DGKH: variants seen among roughly 807,000 people sequenced by gnomAD.
DGKH encodes DAG kinase eta.
A neutral mutation model predicts 159.3 loss-of-function variants in DGKH; 90 were observed. That is an observed-to-expected ratio of 0.57 (90% confidence interval 0.48 to 0.67). The LOEUF (loss-of-function observed/expected upper bound fraction) is 0.67. DGKH is among the 30% of genes least tolerant of loss of function. The pLI is 0.00. For synonymous variants in DGKH, 536 were observed against 553.8 expected, an observed-to-expected ratio of 0.97 and a Z score of 0.45; for missense variants, 1,181 against 1,506.1, an observed-to-expected ratio of 0.78 and a Z score of 3.57.
chr13:42,189,719 TAC>T (rs1193948293), intron 15 of DGKH, among the ~76,000 whole-genome samples: 1 of 152,058 alleles, frequency 6.6e-6, no homozygotes, highest in Non-Finnish European at 1.5e-5. Flanking sequence ...CAAGCTGGAG[TAC>T]AGTGGCGTGA....
intron 1 of DGKH, among the ~76,000 whole-genome samples, chr13:42,106,042 CT>C (rs1954748240): frequency 6.6e-6 from 1 of 150,754 alleles, no homozygotes; most frequent in African/African-American, 2.4e-5. Flanking sequence ...GAGTCTTGCT[CT>C]GTCACCCAGG....
At chr13:42,070,952 TGGCTAC>T in intron 1 of DGKH, 2 of 1,300,718 alleles carry the variant, frequency 1.5e-6, no homozygotes, top group Non-Finnish European at 2.2e-6. Flanking sequence ...ATTTTCTTGA[TGGCTAC>T]TCTTTTGTCA....
chr13:42,108,102 G>C (rs1316166414), intron 1 of DGKH, among the ~76,000 whole-genome samples: 1 of 152,134 alleles, frequency 6.6e-6, no homozygotes, highest in African/African-American at 2.4e-5. Flanking sequence ...AGTTAGTGTT[G>C]TGACAGGCAG....
chr13:42,256,240 T>G (rs1566241468), intron 30 of DGKH: 31 of 1,550,348 alleles, frequency 2.0e-5, no homozygotes, highest in Non-Finnish European at 2.1e-5. Flanking sequence ...CAATGATGAT[T>G]AAAAATGTGT....
chr13:42,190,985 C>T (rs868302368), intron 16 of DGKH, among the ~76,000 whole-genome samples: 25 of 152,250 alleles, frequency 1.6e-4, no homozygotes, highest in South Asian at 1.2e-3. Flanking sequence ...GGTTGATAGT[C>T]CTTATTAAGC....
At chr13:42,069,208 T>A in intron 1 of DGKH, 1 of 1,228,788 alleles carries the variant, frequency 8.1e-7, no homozygotes, top group Admixed American at 2.2e-5. Context: ...GAAGAACTTG[T>A]CTAAGTAACT....
intron 1 of DGKH, among the ~76,000 whole-genome samples, chr13:42,040,651 G>A (rs1170416296): frequency 6.6e-6 from 1 of 151,422 alleles, no homozygotes; most frequent in African/African-American, 2.4e-5. Context: ...GGACCGTGGA[G>A]AAGGAGGAGG....
At chr13:42,248,185 G>T (rs900306955) in intron 29 of DGKH, among the ~76,000 whole-genome samples, 1 of 152,078 alleles carries the variant, frequency 6.6e-6, no homozygotes, top group Non-Finnish European at 1.5e-5. Flanking sequence ...ACTTTGGGAG[G>T]CCCAGGCAGG....
chr13:42,086,414 A>G (rs1170817875), intron 1 of DGKH, among the ~76,000 whole-genome samples: 2 of 152,208 alleles, frequency 1.3e-5, no homozygotes, highest in African/African-American at 4.8e-5. Flanking sequence ...CCTGAAAGCT[A>G]TGATAACTTT....
intron 16 of DGKH, among the ~76,000 whole-genome samples, chr13:42,190,848 C>G (rs774404977): frequency 9.2e-5 from 14 of 152,130 alleles, no homozygotes; most frequent in African/African-American, 4.8e-5. Context: ...CTGATTTGAA[C>G]CTATTATAGC....
chr13:42,220,741 G>A (rs1289097297), intron 28 of DGKH, among the ~76,000 whole-genome samples: 1 of 152,178 alleles, frequency 6.6e-6, no homozygotes, highest in Non-Finnish European at 1.5e-5. Context: ...TGATTTAATA[G>A]CACATTGATT....
intron 10 of DGKH, 41 bp from the exon 11 acceptor site, chr13:42,168,638 C>T (rs1219579901): frequency 6.2e-7 from 1 of 1,613,846 alleles, no homozygotes; most frequent in Admixed American, 1.7e-5. Context: ...GTCCCTATTT[C>T]TCAACTTGTC....
At chr13:42,087,108 A>G (rs527276666) in intron 1 of DGKH, among the ~76,000 whole-genome samples, 3 of 140,124 alleles carry the variant, frequency 2.1e-5, no homozygotes, top group African/African-American at 8.1e-5. Flanking sequence ...AGGCACAACA[A>G]TCCTTGAAGC....
Position 42,048,880 on chromosome 13 carries a change from A to T in DGKH, c.107A>T (p.Glu36Val). 2 of 1,372,848 alleles carry T rather than the reference A, an allele frequency of 1.5e-6. No individual in the cohort carries two copies. The highest frequency in any genetic ancestry group is 2.0e-5 in the South Asian group (1 of 50,960). 85.0% of individuals were successfully genotyped at this position (1,372,848 alleles called of 1,614,324 possible). A position where few individuals can be genotyped will look rare whatever the true frequency, so the allele number is the denominator to read the frequency against. ...GCCGCTGCCTCGGCGGGGCCGGGAG[A>T]GGATTCGTCTGACAGCGAAGCGGAG... Reference protein sequence around the residue: ...TSAAASAGPGEDSSDSEAEQE... With the variant: ...TSAAASAGPGVDSSDSEAEQE... The change falls in exon 1 of 30, where the codon GAG (glutamate) becomes GTG (valine). Residue 36 changes from glutamate (E) to valine (V), a missense_variant. Glu to Val is a moderately radical substitution (Grantham distance 121). This residue lies in a region of DGKH where 136 missense variants were observed against 132.2 expected (regional missense o/e 1.03). Coordinates refer to ENST00000337343, the MANE Select transcript of DGKH (RefSeq NM_178009.5). This position sits in a 1 kb window ranked among gnomAD's most constrained non-coding sequence, Gnocchi z 6.7.
intron 7 of DGKH, among the ~76,000 whole-genome samples, chr13:42,162,315 A>G (rs1198728958): frequency 6.6e-6 from 1 of 152,204 alleles, no homozygotes; most frequent in Non-Finnish European, 1.5e-5. Context: ...GTTCGAGACC[A>G]GCTTGACCAA....
At chr13:42,136,224 G>A (rs377662326) in intron 3 of DGKH, among the ~76,000 whole-genome samples, 3 of 152,158 alleles carry the variant, frequency 2.0e-5, no homozygotes, top group Admixed American at 6.5e-5. Context: ...GTATGTTGCC[G>A]ATTCCTGAAA....
chr13:42,166,152 G>A (rs1440284181), intron 8 of DGKH, among the ~76,000 whole-genome samples: 1 of 151,936 alleles, frequency 6.6e-6, no homozygotes, highest in African/African-American at 2.4e-5. Context: ...TTAGATATAA[G>A]TTTATAAACC....
chr13:42,101,407 T>A (rs187999531), intron 1 of DGKH, among the ~76,000 whole-genome samples: 33 of 152,362 alleles, frequency 2.2e-4, no homozygotes, highest in Middle Eastern at 3.4e-3. Flanking sequence ...ACTAGCTACA[T>A]GTGGCTATTT....
chr13:42,058,293 T>C (rs1375150702), intron 1 of DGKH, among the ~76,000 whole-genome samples: 1 of 152,186 alleles, frequency 6.6e-6, no homozygotes, highest in African/African-American at 2.4e-5. Context: ...TATAATGAAA[T>C]GATGCATGAA....
Sources: gnomAD v4.1 joint callset for allele counts (sites outside exome capture counted in the v4.1 genomes callset) on GRCh38, gnomAD v4.1.1 for gene constraint, gnomAD v4.1.1 regional missense constraint, Gnocchi (gnomAD v3.1) non-coding constraint, MANE v1.5 for transcripts, NCBI Gene and HGNC (gene_info 2026-07-23, HGNC 2026-07-21) for gene names.